EPHA3: variants seen among roughly 807,000 people sequenced by gnomAD.
EPHA3 encodes the protein ephrin type-A receptor 3.
EPHA3 carries 42 observed loss-of-function variants against 107.1 expected under a neutral mutation model. The ratio of observed to expected loss-of-function variants is 0.39; its 90% confidence interval spans 0.31 to 0.51. The LOEUF (loss-of-function observed/expected upper bound fraction) is 0.51, where lower values mean the gene tolerates loss of function less well. Among genes scored for constraint, EPHA3 ranks in the 20% least tolerant of loss-of-function variants. EPHA3 has a pLI of 0.78. For synonymous variants in EPHA3, 461 were observed against 424.8 expected (o/e 1.09, Z -1.05); for missense variants, 1,183 against 1,211.2 (o/e 0.98, Z 0.35).
At chr3:89,374,076 C>A (rs1477797009) in intron 5 of EPHA3, among the ~76,000 whole-genome samples, 1 of 151,708 alleles carries the variant, frequency 6.6e-6, no homozygotes, top group Non-Finnish European at 1.5e-5. Flanking sequence ...ACACTCTCCA[C>A]ACACACACAT....
chr3:89,406,186 G>C (rs1188455577), intron 7 of EPHA3, among the ~76,000 whole-genome samples: 1 of 152,140 alleles, frequency 6.6e-6, no homozygotes, highest in Non-Finnish European at 1.5e-5. Context: ...GAGATGGAGA[G>C]GAGAAGGTTA....
intron 3 of EPHA3, among the ~76,000 whole-genome samples, chr3:89,319,705 C>A (rs1421834768): frequency 6.6e-6 from 1 of 151,860 alleles, no homozygotes; most frequent in African/African-American, 2.4e-5. Context: ...TGTGCAAAAA[C>A]TGGGGGCCTC....
intron 2 of EPHA3, among the ~76,000 whole-genome samples, chr3:89,132,527 T>C (rs1704228502): frequency 6.6e-6 from 1 of 152,186 alleles, no homozygotes; most frequent in African/African-American, 2.4e-5. Flanking sequence ...AATTGAGGCA[T>C]CTGCATTTCC....
At position 89,308,570 on chromosome 3, in the gene EPHA3, G is replaced by C. The variant is rs1005888162; in HGVS notation, c.815-32346G>C. 2.0e-5 allele frequency among the ~76,000 whole-genome samples: 3 copies of C among 151,438 alleles called. No homozygotes were observed. The Admixed American group carries it at 2.0e-4, about 10-fold the overall frequency. On this transcript the variant is annotated intron_variant, in intron 3 of 16. Coordinates refer to ENST00000336596, the MANE Select transcript of EPHA3 (RefSeq NM_005233.6). ...AGTTAGGTAGAAACAACTAAAAAGG[G>C]GACACATTATTTATGGACTACAGCC...
chr3:89,481,695 C>G lies in EPHA3; in HGVS notation c.*2193C>G, dbSNP rs1430619259. 1 of 231,768 alleles carries G rather than the reference C, an allele frequency of 4.3e-6. No individual in the cohort carries two copies. The highest frequency in any genetic ancestry group is 8.5e-6 in the Non-Finnish European group (1 of 116,998). 14.4% of individuals were successfully genotyped at this position (231,768 alleles called of 1,614,324 possible). A position where few individuals can be genotyped will look rare whatever the true frequency, so the allele number is the denominator to read the frequency against. The stretch of plus-strand genomic sequence containing the variant: ...TTATTAATATTTTTCTCCTTGACCT[C>G]TCATAAATTTACTTTACACAATTCT... On this transcript the variant is annotated 3_prime_UTR_variant, in exon 17 of 17. Transcript: ENST00000336596.
At chr3:89,449,519 G>T (rs1163415619) in intron 14 of EPHA3, 145 bp downstream of exon 14, 11 of 631,264 alleles carry the variant, frequency 1.7e-5, no homozygotes, top group Non-Finnish European at 2.5e-5. Context: ...TCCAAGTCTT[G>T]CAAGGATATT....
chr3:89,401,411 A>G (rs1331666992), intron 7 of EPHA3, among the ~76,000 whole-genome samples: 1 of 152,210 alleles, frequency 6.6e-6, no homozygotes, highest in Non-Finnish European at 1.5e-5. Context: ...CCCTCAGAAG[A>G]TATTAGAAAC....
intron 5 of EPHA3, among the ~76,000 whole-genome samples, chr3:89,380,995 CAG>C (rs1559673247): frequency 6.8e-6 from 1 of 147,946 alleles, no homozygotes; most frequent in Non-Finnish European, 1.5e-5. Flanking sequence ...TTTTTTGAGA[CAG>C]AGTCTCGCTC....
chr3:89,171,184 T>C (rs189452167), intron 2 of EPHA3, among the ~76,000 whole-genome samples: 59 of 152,290 alleles, frequency 3.9e-4, no homozygotes, highest in African/African-American at 1.3e-3. Context: ...TAAAATGAAC[T>C]GTTATATAGC....
chr3:89,263,782 T>C (rs1705476191), intron 3 of EPHA3, among the ~76,000 whole-genome samples: 1 of 152,080 alleles, frequency 6.6e-6, no homozygotes, highest in Non-Finnish European at 1.5e-5. Context: ...AAAACAGGGA[T>C]AGAAGTTCTA....
chr3:89,163,476 T>C (rs1704993932), intron 2 of EPHA3, among the ~76,000 whole-genome samples: 1 of 152,148 alleles, frequency 6.6e-6, no homozygotes, highest in Non-Finnish European at 1.5e-5. Flanking sequence ...TTATCATATT[T>C]TTTAATATTA....
At chr3:89,363,005 C>T (rs1326276151) in intron 5 of EPHA3, among the ~76,000 whole-genome samples, 1 of 150,842 alleles carries the variant, frequency 6.6e-6, no homozygotes, top group African/African-American at 2.4e-5. Context: ...GACTGTGGCA[C>T]CAAAGAAAAT....
At chr3:89,120,842 ATAAGT>A (rs752396636) in intron 1 of EPHA3, among the ~76,000 whole-genome samples, 2 of 152,226 alleles carry the variant, frequency 1.3e-5, no homozygotes, top group Admixed American at 6.5e-5. Flanking sequence ...ATGAGAAAGA[ATAAGT>A]TAAGTGCAGA....
intron 3 of EPHA3, among the ~76,000 whole-genome samples, chr3:89,279,517 CAT>C (rs1202272802): frequency 7.9e-5 from 12 of 152,022 alleles, no homozygotes; most frequent in Admixed American, 5.2e-4. Context: ...TTAAAAAATA[CAT>C]GATACTAAAA....
At chr3:89,113,981 C>T (rs996639072) in intron 1 of EPHA3, among the ~76,000 whole-genome samples, 11 of 152,052 alleles carry the variant, frequency 7.2e-5, no homozygotes, top group Admixed American at 6.6e-5. Context: ...GTGAACATCC[C>T]CCAACCCTTC....
intron 2 of EPHA3, among the ~76,000 whole-genome samples, chr3:89,205,393 A>T (rs1347642250): frequency 2.6e-5 from 4 of 152,204 alleles, no homozygotes; most frequent in Non-Finnish European, 5.9e-5. Flanking sequence ...GAACTGTGCT[A>T]TCTAGAAAAT....
At chr3:89,180,276 G>T (rs757852397) in intron 2 of EPHA3, among the ~76,000 whole-genome samples, 1 of 151,514 alleles carries the variant, frequency 6.6e-6, no homozygotes, top group Non-Finnish European at 1.5e-5. Context: ...AAATATTTAG[G>T]CATTGTCCTT....
In EPHA3 at chr3:89,399,390, G is replaced by A. The variant is rs75391524; in HGVS notation, c.1504G>A (p.Asp502Asn). Residue 502 changes from aspartate to asparagine, a missense_variant, in exon 7 of 17, where the codon GAC becomes AAC. Physicochemically the swap from Asp to Asn is conservative, Grantham distance 23. Coordinates refer to ENST00000336596, the MANE Select transcript of EPHA3 (RefSeq NM_005233.6). ...TGTTACCATCAGTAGCCTCAAGCCT[G>A]ACACTATATACGTATTCCAAATCCG... Reference protein sequence around the residue: ...TNVTISSLKPDTIYVFQIRAR... With the variant: ...TNVTISSLKPNTIYVFQIRAR... 3 of 1,613,950 alleles carry A rather than the reference G, an allele frequency of 1.9e-6. No individual in the cohort carries two copies. In the Admixed American group the frequency reaches 5.0e-5, roughly 27 times the overall value.
At position 89,431,282 on chromosome 3, in the gene EPHA3, A is replaced by T; in HGVS notation, c.2269A>T (p.Asn757Tyr). 6.2e-6 allele frequency: 10 copies of T among 1,613,660 alleles called. No individual in the cohort carries two copies. Among genetic ancestry groups the T allele is most frequent in the Non-Finnish European group, 8.5e-6 (10 of 1,179,916 alleles). Residue 757 changes from asparagine (N) to tyrosine (Y), a missense_variant, in exon 13 of 17, where the codon AAC becomes TAC. Coordinates refer to ENST00000336596, the MANE Select transcript of EPHA3 (RefSeq NM_005233.6). ...LAARNILINS[N>Y]LVCKVSDFGL... Reference sequence around the variant, plus strand: ...TGCTCGGAACATCTTGATCAACAGTAACTTGGTGTGTAAGGTTTCTGATTT... The same window carrying T: ...TGCTCGGAACATCTTGATCAACAGTTACTTGGTGTGTAAGGTTTCTGATTT...
Sources: gnomAD v4.1 joint callset for allele counts (sites outside exome capture counted in the v4.1 genomes callset) on GRCh38, gnomAD v4.1.1 for gene constraint, MANE v1.5 for transcripts, NCBI Gene and HGNC (gene_info 2026-07-23, HGNC 2026-07-21) for gene names.